The following CPED1 variants were observed in gnomAD, a reference collection of about 807,000 sequenced individuals.
The protein encoded by CPED1 is cadherin-like and PC-esterase domain-containing protein 1.
A neutral mutation model predicts 128.2 loss-of-function variants in CPED1; 114 were observed. The observed-to-expected ratio is 0.89, with a 90% CI of 0.76 to 1.04. The LOEUF (loss-of-function observed/expected upper bound fraction) is 1.04, where lower values mean the gene tolerates loss of function less well. Ranked by LOEUF, CPED1 falls within the 50% of genes least tolerant of loss-of-function variation. The pLI is 0.00. For missense variants in CPED1, 1,211 were observed against 1,207.1 expected, an observed-to-expected ratio of 1.00 and a Z score of -0.05; for synonymous variants, 462 against 426.7, an observed-to-expected ratio of 1.08 and a Z score of -1.02.
chr7:121,168,962 A>G (rs755139142), intron 16 of CPED1, among the ~76,000 whole-genome samples: 1 of 152,244 alleles, frequency 6.6e-6, no homozygotes, highest in Non-Finnish European at 1.5e-5. Flanking sequence ...TAGAACCTCA[A>G]TGAAGACTTT....
chr7:121,266,862 A>G, intron 20 of CPED1, 54 bp downstream of exon 20: 2 of 1,271,518 alleles, frequency 1.6e-6, no homozygotes, highest in South Asian at 1.2e-5. Flanking sequence ...AAAAGTTACT[A>G]TGGATGTGAC....
intron 16 of CPED1, among the ~76,000 whole-genome samples, chr7:121,145,355 C>A (rs1345559650): frequency 6.6e-6 from 1 of 151,982 alleles, no homozygotes; most frequent in Non-Finnish European, 1.5e-5. Context: ...TTAGAAAATT[C>A]TTGTGGGATG....
chr7:121,230,166 A>C (rs1407538662), intron 16 of CPED1, among the ~76,000 whole-genome samples: 1 of 152,098 alleles, frequency 6.6e-6, no homozygotes, highest in African/African-American at 2.4e-5. Context: ...CCATGATAAA[A>C]GAACATGAAG....
chr7:121,293,522 C>T (rs1792756072), intron 22 of CPED1, among the ~76,000 whole-genome samples: 1 of 152,136 alleles, frequency 6.6e-6, no homozygotes, highest in Non-Finnish European at 1.5e-5. Context: ...ACAGTTCTGT[C>T]TTGCTGGTGT....
At chr7:121,217,988 ATTT>A (rs35530961) in intron 16 of CPED1, among the ~76,000 whole-genome samples, 1 of 144,022 alleles carries the variant, frequency 6.9e-6, no homozygotes. Flanking sequence ...GTTTTTGCCA[ATTT>A]TTTTTTTTTT....
chr7:121,254,507 A>G (rs1364975616), intron 18 of CPED1, among the ~76,000 whole-genome samples: 1 of 152,034 alleles, frequency 6.6e-6, no homozygotes, highest in Non-Finnish European at 1.5e-5. Context: ...GAATTAGAAA[A>G]AAGAGAACAA....
At chr7:121,037,481 C>A (rs1024286148) in intron 3 of CPED1, among the ~76,000 whole-genome samples, 2 of 152,046 alleles carry the variant, frequency 1.3e-5, no homozygotes, top group Non-Finnish European at 2.9e-5. Flanking sequence ...GTTCTCTATT[C>A]TGTTGGATTG....
intron 2 of CPED1, among the ~76,000 whole-genome samples, chr7:121,009,254 G>A (rs914522506): frequency 2.6e-5 from 4 of 152,034 alleles, no homozygotes; most frequent in Non-Finnish European, 5.9e-5. Context: ...GGTGGTTGGA[G>A]TGTTGGACCA....
chr7:121,022,194 A>C (rs1023347106), intron 3 of CPED1, among the ~76,000 whole-genome samples: 2 of 152,022 alleles, frequency 1.3e-5, no homozygotes, highest in African/African-American at 4.8e-5. Context: ...TAGTACATCA[A>C]TATTTGGGCT....
At chr7:121,034,537 C>A (rs772564935) in intron 3 of CPED1, among the ~76,000 whole-genome samples, 1 of 152,078 alleles carries the variant, frequency 6.6e-6, no homozygotes, top group Non-Finnish European at 1.5e-5. Context: ...TGAGCCACTG[C>A]GCCTGGCCGA....
At chr7:121,154,222 C>T (rs1286653980) in intron 16 of CPED1, among the ~76,000 whole-genome samples, 1 of 152,176 alleles carries the variant, frequency 6.6e-6, no homozygotes, top group Non-Finnish European at 1.5e-5. Context: ...AGGAGTTTAA[C>T]TCTCCAGTAA....
intron 7 of CPED1, among the ~76,000 whole-genome samples, chr7:121,105,533 C>A (rs1794954593): frequency 6.6e-6 from 1 of 152,080 alleles, no homozygotes; most frequent in Admixed American, 6.6e-5. Flanking sequence ...GAATAAAAGT[C>A]TTCTCCTGAG....
chr7:121,071,569 C>T (rs777211284), intron 5 of CPED1, among the ~76,000 whole-genome samples: 4 of 151,866 alleles, frequency 2.6e-5, no homozygotes, highest in African/African-American at 4.8e-5. Flanking sequence ...TCTTTTGAGA[C>T]GAGGTCTCAC....
At position 121,064,296 on chromosome 7, in the gene CPED1, T is replaced by C; in HGVS notation, c.599T>C (p.Ile200Thr). 1.4e-5 allele frequency: 23 copies of C among 1,611,416 alleles called. 1 individual carries two copies. Among genetic ancestry groups the C allele is most frequent in the South Asian group, 2.2e-5 (2 of 90,990 alleles). Reference protein sequence around the residue: ...PLCRKEGLCQIVRRFPELQLP... With the variant: ...PLCRKEGLCQTVRRFPELQLP... ...TGCAGAAAGGAAGGATTATGTCAAA[T>C]AGTTAGAAGATTCCCAGGTAATCTT... Residue 200 changes from isoleucine to threonine, a missense_variant, in exon 5 of 23, where the codon ATA (isoleucine) becomes ACA (threonine). Coordinates refer to ENST00000310396, the MANE Select transcript of CPED1 (RefSeq NM_024913.5).
chr7:121,222,059 G>C (rs553761178), intron 16 of CPED1, among the ~76,000 whole-genome samples: 15 of 152,184 alleles, frequency 9.9e-5, no homozygotes, highest in African/African-American at 3.6e-4. Context: ...GTATTGCCTA[G>C]GTTTTCTTCT....
chr7:121,147,291 CCTT>C (rs1455263441), intron 16 of CPED1, among the ~76,000 whole-genome samples: 1 of 152,014 alleles, frequency 6.6e-6, no homozygotes, highest in Non-Finnish European at 1.5e-5. Flanking sequence ...CATTAATCTG[CCTT>C]CTTTTCTGCC....
chr7:121,165,498 A>C (rs1292706807), intron 16 of CPED1, among the ~76,000 whole-genome samples: 1 of 152,208 alleles, frequency 6.6e-6, no homozygotes, highest in African/African-American at 2.4e-5. Flanking sequence ...TCTTCCTACT[A>C]TTCAATCATG....
chr7:121,106,977 T>C (rs938889413), intron 7 of CPED1, among the ~76,000 whole-genome samples: 1 of 152,104 alleles, frequency 6.6e-6, no homozygotes, highest in Non-Finnish European at 1.5e-5. Context: ...TCAAAGCACT[T>C]TAAGCGTCCA....
chr7:121,268,876 A>C (rs775567842), intron 21 of CPED1, among the ~76,000 whole-genome samples: 4 of 151,924 alleles, frequency 2.6e-5, no homozygotes, highest in Admixed American at 6.6e-5. Flanking sequence ...CTCTTGACAC[A>C]CTAGACTGGG....
Sources: gnomAD v4.1 joint callset for allele counts (sites outside exome capture counted in the v4.1 genomes callset) on GRCh38, gnomAD v4.1.1 for gene constraint, MANE v1.5 for transcripts, NCBI Gene and HGNC (gene_info 2026-07-23, HGNC 2026-07-21) for gene names.